Variants in DMD observed in about 807,000 individuals in gnomAD.
The protein encoded by DMD is dystrophin, also known as mutant dystrophin.
DMD carries 63 observed loss-of-function variants against 330.1 expected under a neutral mutation model. That is an observed-to-expected ratio of 0.19 (90% CI 0.16 to 0.24). DMD has a LOEUF of 0.24. Among genes scored for constraint, DMD ranks in the 10% least tolerant of loss-of-function variants. DMD has a pLI of 1.00. For missense variants in DMD, 3,344 were observed against 2,684.1 expected (o/e 1.25, Z -5.43); for synonymous variants, 1,223 against 959.8 (o/e 1.27, Z -5.07).
chrX:31,314,843 T>G (rs61292591), intron 62 of DMD, among the ~76,000 whole-genome samples: 7,321 of 106,556 alleles, frequency 0.069, 632 homozygotes, highest in African/African-American at 0.23. Context: ...TACCCCCTAC[T>G]CCCCCACCCT....
At chrX:31,650,442 C>A (rs2080386820) in intron 54 of DMD, among the ~76,000 whole-genome samples, 1 of 111,414 alleles carries the variant, frequency 9.0e-6, no homozygotes, top group African/African-American at 3.3e-5. Flanking sequence ...TGCCCAACAT[C>A]TGATGAATTG....
intron 45 of DMD, among the ~76,000 whole-genome samples, chrX:31,937,047 A>G (rs1235538844): frequency 9.0e-6 from 1 of 111,367 alleles, no homozygotes; most frequent in Non-Finnish European, 1.9e-5. Flanking sequence ...ATTCTAACTT[A>G]TGTAATGTAT....
chrX:33,093,072 A>C (rs35668502), intron 1 of DMD, among the ~76,000 whole-genome samples: 2,504 of 110,611 alleles, frequency 0.023, 21 homozygotes, highest in Middle Eastern at 0.042. Context: ...ATGAAGTTTC[A>C]CTATGTTGGA....
At chrX:31,844,971 T>C (rs980940632) in intron 48 of DMD, among the ~76,000 whole-genome samples, 3 of 108,442 alleles carry the variant, frequency 2.8e-5, no homozygotes, top group African/African-American at 1.0e-4. Context: ...CTCACTTTAT[T>C]ATGGTGGTCT....
rs929815985 is a variant in DMD, at chrX:33,305,981, A to T, written c.7+33278T>A. Among the ~76,000 whole-genome samples, 10 of 112,110 alleles carry T rather than the reference A, an allele frequency of 8.9e-5. 1 individual carries two copies. The highest frequency in any genetic ancestry group is 2.9e-4 in the African/African-American group (9 of 30,848). On this transcript the variant is annotated intron_variant, in intron 1 of 17. Coordinates refer to the DMD transcript ENST00000288447. ...TTAGTGAGGAAAGGAGACAGAGAGT[A>T]GCTCCTTTTGGACTATAATACAAAC... is the stretch of plus-strand genomic sequence containing the variant.
At chrX:32,654,300 C>A (rs893511821) in intron 9 of DMD, among the ~76,000 whole-genome samples, 1 of 111,542 alleles carries the variant, frequency 9.0e-6, no homozygotes, top group Non-Finnish European at 1.9e-5. Flanking sequence ...TCATACATAG[C>A]TCTTATTATT....
intron 1 of DMD, among the ~76,000 whole-genome samples, chrX:33,196,272 A>G (rs773657605): frequency 1.8e-5 from 2 of 111,826 alleles, no homozygotes; most frequent in African/African-American, 3.2e-5. Flanking sequence ...GTAATTTTAT[A>G]TCTAGACAGA....
intron 1 of DMD, among the ~76,000 whole-genome samples, chrX:33,305,083 C>G (rs2053735268): frequency 9.1e-6 from 1 of 109,653 alleles, no homozygotes; most frequent in African/African-American, 3.3e-5. Flanking sequence ...ACCCAAAGGA[C>G]TATAAATCAT....
intron 17 of DMD, among the ~76,000 whole-genome samples, chrX:32,533,536 T>C (rs977044673): frequency 8.9e-6 from 1 of 112,037 alleles, no homozygotes; most frequent in Admixed American, 9.5e-5. Flanking sequence ...GGAAGTGAAC[T>C]TTTCTTCCTT....
At chrX:31,827,099 T>G (rs772144198) in intron 49 of DMD, among the ~76,000 whole-genome samples, 7 of 112,230 alleles carry the variant, frequency 6.2e-5, no homozygotes, top group Non-Finnish European at 5.6e-5. Flanking sequence ...TTTCTGAATA[T>G]AGCTTTCCTT....
At chrX:31,608,662 G>A (rs2077734734) in intron 55 of DMD, among the ~76,000 whole-genome samples, 1 of 111,653 alleles carries the variant, frequency 9.0e-6, no homozygotes, top group Admixed American at 9.5e-5. Context: ...CAGCCCTGCT[G>A]TTCATGTCTT....
At chrX:32,651,509 G>A (rs1322418151) in intron 9 of DMD, among the ~76,000 whole-genome samples, 3 of 111,763 alleles carry the variant, frequency 2.7e-5, no homozygotes, top group African/African-American at 9.8e-5. Context: ...TCAATCAATG[G>A]TTTGGAAGCT....
At position 31,134,125 on chromosome X, in the gene DMD, T is replaced by C. The variant is rs144819143; in HGVS notation, c.10991A>G (p.Asn3664Ser). 2 of 1,211,031 alleles carry C rather than the reference T, an allele frequency of 1.7e-6. No individual in the cohort carries two copies. Among genetic ancestry groups the C allele is most frequent in the East Asian group, 3.0e-5 (1 of 33,814 alleles). Residue 3664 changes from asparagine to serine, a missense_variant, in exon 77 of 79, where the codon AAC becomes AGC. Coordinates refer to ENST00000357033, the MANE Select transcript of DMD (RefSeq NM_004006.3). Reference protein sequence around the residue: ...TGLEEVMEQLNNSFPSSRGRN... With the variant: ...TGLEEVMEQLSNSFPSSRGRN... The stretch of plus-strand genomic sequence containing the variant: ...ACCTCTTGAACTAGGGAAGGAGTTG[T>C]TGAGTTGCTCCATCACCTCCTCTAA...
At chrX:31,749,393 G>A (rs1364296603) in intron 51 of DMD, among the ~76,000 whole-genome samples, 2 of 100,572 alleles carry the variant, frequency 2.0e-5, no homozygotes, top group African/African-American at 7.2e-5. Flanking sequence ...AATATGCGGT[G>A]TTTGGTTTTT....
chrX:32,394,929 A>AAAAAACAAAAAAAC, intron 30 of DMD, among the ~76,000 whole-genome samples: 1 of 92,632 alleles, frequency 1.1e-5, no homozygotes, highest in African/African-American at 3.7e-5. Context: ...AAAAAAAAAA[A>AAAAAACAAAAAAAC]AAAAGAAAAG....
At chrX:32,707,824 G>A (rs771632874) in intron 7 of DMD, among the ~76,000 whole-genome samples, 1 of 111,826 alleles carries the variant, frequency 8.9e-6, no homozygotes, top group Non-Finnish European at 1.9e-5. Context: ...AAAAACATCT[G>A]TACTTTCTTA....
At chrX:32,603,079 C>A (rs923536580) in intron 12 of DMD, among the ~76,000 whole-genome samples, 1 of 110,971 alleles carries the variant, frequency 9.0e-6, no homozygotes, top group Non-Finnish European at 1.9e-5. Context: ...CTCATCTGCA[C>A]GTGGATCATT....
intron 2 of DMD, among the ~76,000 whole-genome samples, chrX:32,879,864 C>A (rs1385465744): frequency 3.6e-5 from 4 of 111,442 alleles, no homozygotes; most frequent in Non-Finnish European, 7.5e-5. Context: ...AAAGACAGAA[C>A]AATGCTAGAT....
At chrX:31,857,534 GT>G (rs2093636091) in intron 48 of DMD, among the ~76,000 whole-genome samples, 1 of 109,472 alleles carries the variant, frequency 9.1e-6, no homozygotes, top group Non-Finnish European at 1.9e-5. Context: ...AATTATGGAT[GT>G]TTTCATTAAC....
Sources: gnomAD v4.1 joint callset for allele counts (sites outside exome capture counted in the v4.1 genomes callset) on GRCh38, gnomAD v4.1.1 for gene constraint, MANE v1.5 for transcripts, NCBI Gene and HGNC (gene_info 2026-07-23, HGNC 2026-07-21) for gene names.